The following CDK6 variants were observed in gnomAD, a reference collection of about 807,000 sequenced individuals.
CDK6 encodes cyclin-dependent kinase 6.
A neutral mutation model predicts 37.1 loss-of-function variants in CDK6; 6 were observed. The observed-to-expected ratio is 0.16, with a 90% CI of 0.09 to 0.32. CDK6 has a LOEUF of 0.32. CDK6 is among the 10% of genes least tolerant of loss of function. The pLI is 1.00. For missense variants in CDK6, 224 were observed against 418.9 expected, an observed-to-expected ratio of 0.53 and a Z score of 4.06; for synonymous variants, 160 against 161.3, an observed-to-expected ratio of 0.99 and a Z score of 0.06.
chr7:92,617,399 A>G (rs113099939), intron 7 of CDK6, among the ~76,000 whole-genome samples: 7 of 152,338 alleles, frequency 4.6e-5, no homozygotes, highest in African/African-American at 1.4e-4. Context: ...GCAGAAGCAG[A>G]TATCAAAGGC....
chr7:92,811,020 C>T (rs536189787), intron 2 of CDK6, among the ~76,000 whole-genome samples: 2 of 151,714 alleles, frequency 1.3e-5, no homozygotes, highest in African/African-American at 2.4e-5. Flanking sequence ...GAGCCGAGAT[C>T]GCGCCCGGTG....
chr7:92,615,373 A>C, intron 7 of CDK6, 87 bp from the exon 8 acceptor site: 2 of 1,107,424 alleles, frequency 1.8e-6, no homozygotes, highest in Non-Finnish European at 2.7e-6. Flanking sequence ...ATTCACTGTC[A>C]TATGTTAAGC....
chr7:92,617,123 T>C (rs1483163706), intron 7 of CDK6, among the ~76,000 whole-genome samples: 1 of 152,204 alleles, frequency 6.6e-6, no homozygotes, highest in Non-Finnish European at 1.5e-5. Flanking sequence ...TTCCCTCTTT[T>C]CTCTCCCCTC....
At chr7:92,741,561 G>GA (rs1798926591) in intron 3 of CDK6, among the ~76,000 whole-genome samples, 2 of 152,248 alleles carry the variant, frequency 1.3e-5, no homozygotes, top group South Asian at 4.1e-4. Context: ...GTCAGGTGTT[G>GA]AAAATGGTAG....
intron 2 of CDK6, among the ~76,000 whole-genome samples, chr7:92,822,741 G>A (rs951494017): frequency 2.0e-5 from 3 of 152,092 alleles, no homozygotes; most frequent in Non-Finnish European, 4.4e-5. Context: ...AGAAAAAGCA[G>A]ACAGCAATGC....
chr7:92,655,475 G>A (rs1227738865), intron 5 of CDK6, among the ~76,000 whole-genome samples: 1 of 152,220 alleles, frequency 6.6e-6, no homozygotes, highest in Non-Finnish European at 1.5e-5. Context: ...ATTGCATGCT[G>A]ATGCCTAGAG....
At chr7:92,731,638 A>C (rs1012064524) in intron 3 of CDK6, among the ~76,000 whole-genome samples, 1 of 152,194 alleles carries the variant, frequency 6.6e-6, no homozygotes. Context: ...ATTGCATGTA[A>C]ATTTTAATAA....
intron 2 of CDK6, among the ~76,000 whole-genome samples, chr7:92,802,399 T>G (rs1800603354): frequency 6.6e-6 from 1 of 152,184 alleles, no homozygotes; most frequent in African/African-American, 2.4e-5. Context: ...GGAATTCCAG[T>G]TTATTAAAAA....
intron 4 of CDK6, among the ~76,000 whole-genome samples, chr7:92,683,103 G>C (rs1276464653): frequency 6.6e-6 from 1 of 152,126 alleles, no homozygotes; most frequent in African/African-American, 2.4e-5. Context: ...AATATTTGCA[G>C]ACATTCCTTC....
In CDK6 at chr7:92,659,230, A is replaced by C. The variant is rs557818477; in HGVS notation, c.647+12196T>G. Among the ~76,000 whole-genome samples, 226 of 152,330 alleles carry C rather than the reference A, an allele frequency of 1.5e-3. 1 individual carries two copies. Among genetic ancestry groups the C allele is most frequent in the African/African-American group, 5.0e-3 (207 of 41,572 alleles). On this transcript the variant is annotated intron_variant, in intron 5 of 7. Transcript: ENST00000424848. ...TAGACCTGCATTGTCCAATCAGTAC[A>C]TGTGGCTACTGAGCACTTGAAATGT... is the stretch of plus-strand genomic sequence containing the variant.
At chr7:92,714,368 C>G (rs1200540409) in intron 4 of CDK6, among the ~76,000 whole-genome samples, 1 of 152,134 alleles carries the variant, frequency 6.6e-6, no homozygotes, top group Non-Finnish European at 1.5e-5. Flanking sequence ...ATAGCAAGAT[C>G]ATAGGGTGTG....
In CDK6 at chr7:92,806,455, C is replaced by T. The variant is rs1027528564; in HGVS notation, c.233+26636G>A. ...TCACTTTATTAGCATCTTTATAAAA[C>T]GATGTAATAAAGTGCAAAATGGATA... On this transcript the variant is annotated intron_variant, in intron 2 of 7. Coordinates refer to ENST00000424848, the MANE Select transcript of CDK6 (RefSeq NM_001145306.2). 3.9e-5 allele frequency among the ~76,000 whole-genome samples: 6 copies of T among 152,100 alleles called. 1 individual carries two copies. The highest frequency in any genetic ancestry group is 3.9e-4 in the East Asian group (2 of 5,194).
chr7:92,796,343 T>C (rs758846411), intron 2 of CDK6, among the ~76,000 whole-genome samples: 9 of 152,214 alleles, frequency 5.9e-5, no homozygotes, highest in East Asian at 3.9e-4. Context: ...TATGAGATCA[T>C]AGTTTTTACT....
chr7:92,676,823 C>G (rs1411444057), intron 4 of CDK6, among the ~76,000 whole-genome samples: 2 of 151,964 alleles, frequency 1.3e-5, no homozygotes, highest in African/African-American at 4.8e-5. Context: ...ATTTACAACT[C>G]TGGTGGGCGC....
At position 92,613,962 on chromosome 7, in the gene CDK6, A is replaced by T. The variant is rs1795617607; in HGVS notation, c.*1178T>A. The T allele has an allele frequency of 8.6e-6, 2 of 233,160 alleles. No homozygotes were observed. Among genetic ancestry groups the T allele is most frequent in the Admixed American group, 1.1e-4 (2 of 17,786 alleles). The allele number at this position is 233,160 out of a possible 1,614,324, so 14.4% of individuals were successfully genotyped here. On this transcript the variant is annotated 3_prime_UTR_variant, in exon 8 of 8. Transcript: ENST00000424848. ...AACAGGTGGTGCATGGGAACAGCTT[A>T]AGCAATCTGTTATTAGTTATACAAT... is the stretch of plus-strand genomic sequence containing the variant.
At chr7:92,743,387 A>G (rs1453805380) in intron 3 of CDK6, among the ~76,000 whole-genome samples, 1 of 150,988 alleles carries the variant, frequency 6.6e-6, no homozygotes, top group African/African-American at 2.4e-5. Context: ...AAAGAAAAAA[A>G]TAAATAAATA....
chr7:92,714,481 T>G (rs924135246), intron 4 of CDK6, among the ~76,000 whole-genome samples: 1 of 152,080 alleles, frequency 6.6e-6, no homozygotes, highest in African/African-American at 2.4e-5. Context: ...CTTGAGTGTG[T>G]GGGCAATGGG....
chr7:92,700,799 A>G (rs1438747047), intron 4 of CDK6, among the ~76,000 whole-genome samples: 4 of 152,262 alleles, frequency 2.6e-5, no homozygotes, highest in Non-Finnish European at 4.4e-5. Flanking sequence ...AAAGCAGGAT[A>G]CCACGATGTC....
intron 4 of CDK6, among the ~76,000 whole-genome samples, chr7:92,695,928 C>T (rs1049558108): frequency 2.6e-5 from 4 of 152,342 alleles, no homozygotes; most frequent in East Asian, 3.9e-4. Context: ...ACCTCTCTCA[C>T]GCACATCGGT....
Sources: allele counts gnomAD v4.1 joint callset (sites outside exome capture counted in the v4.1 genomes callset), GRCh38; gene constraint gnomAD v4.1.1; transcripts MANE v1.5; gene names NCBI Gene and HGNC (gene_info 2026-07-23, HGNC 2026-07-21).